The following OC90 variants were observed in gnomAD, a reference collection of about 807,000 sequenced individuals.
OC90 encodes otoconin 90.
Under a neutral mutation model 47.3 loss-of-function variants are expected in OC90, and 46 were observed. The observed-to-expected ratio is 0.97, with a 90% confidence interval of 0.77 to 1.24. OC90 has a LOEUF of 1.24. OC90 is among the 50% of genes most tolerant of loss of function. The probability of loss-of-function intolerance (pLI) is 0.00; values close to 1 mark genes in which losing one functional copy is unlikely to be tolerated. For missense variants in OC90, 688 were observed against 583.9 expected (o/e 1.18, Z -1.84); for synonymous variants, 271 against 219.5 (o/e 1.23, Z -2.07).
chr8:132,046,947 T>C (rs140254292), intron 2 of OC90, among the ~76,000 whole-genome samples: 152 of 152,284 alleles, frequency 1.0e-3, no homozygotes, highest in African/African-American at 3.5e-3. Flanking sequence ...ACATTTTGGG[T>C]TGTGAAATTT....
At position 132,043,465 on chromosome 8, in the gene OC90, T is replaced by A. The variant is rs147250646; in HGVS notation, c.169+968A>T. 4.8e-3 allele frequency among the ~76,000 whole-genome samples: 731 copies of A among 152,354 alleles called. 11 individuals are homozygous for A. Among genetic ancestry groups the A allele is most frequent in the African/African-American group, 0.017 (706 of 41,588 alleles). On this transcript the variant is annotated intron_variant, in intron 4 of 13. Transcript: ENST00000254627. ...GCAAACAAAATTGGCAAGAAAACCATATCAACAGTTTCCAACTCTAAATCT... is the reference window on the plus strand; with the variant it reads ...GCAAACAAAATTGGCAAGAAAACCAAATCAACAGTTTCCAACTCTAAATCT...
chr8:132,035,447 G>A (rs778089533), intron 9 of OC90, among the ~76,000 whole-genome samples: 5 of 152,148 alleles, frequency 3.3e-5, no homozygotes, highest in African/African-American at 7.2e-5. Flanking sequence ...GCTAGGAGGC[G>A]GCTGCAAACC....
In OC90 at chr8:132,039,565, G is replaced by A. The variant is rs542881797; in HGVS notation, c.458-442C>T. Among the ~76,000 whole-genome samples, 25 of 152,158 alleles carry A rather than the reference G, an allele frequency of 1.6e-4. 1 individual carries two copies. The highest frequency in any genetic ancestry group is 1.0e-3 in the South Asian group (5 of 4,810). ...TTTATTCTGTTCAGAACGTCCCAGC[G>A]TCTTCCCACCTCAACCTACAAGTCT... On this transcript the variant is annotated intron_variant, in intron 6 of 13. Transcript: ENST00000254627.
At position 132,054,015 on chromosome 8, in the gene OC90, T is replaced by C. The variant is rs188839579; in HGVS notation, c.46+966A>G. Among the ~76,000 whole-genome samples the C allele has an allele frequency of 3.2e-3, 490 of 152,280 alleles. 2 individuals carry two copies. Among genetic ancestry groups the C allele is most frequent in the Middle Eastern group, 0.014 (4 of 294 alleles). ...CATGGTCAACACTCACAAAGCATTG[T>C]CTTGTATCTGACTCAGATTGCTACT... On this transcript the variant is annotated intron_variant, in intron 2 of 13. Transcript: ENST00000254627.
chr8:132,058,713 C>A (rs73353126), intron 1 of OC90, among the ~76,000 whole-genome samples: 1 of 152,108 alleles, frequency 6.6e-6, no homozygotes, highest in African/African-American at 2.4e-5. Flanking sequence ...ACACCATCTC[C>A]GGCACTTGCT....
chr8:132,024,541 G>C lies in OC90; in HGVS notation c.1374C>G (p.Ala458=), dbSNP rs1182416883. Residue 458 remains alanine (A), a synonymous_variant, in exon 14 of 14, where the codon GCC becomes GCG. Transcript: ENST00000254627. ...EDPPQEDLGR[A]KRFLRKSLGP... The stretch of plus-strand genomic sequence containing the variant: ...CCAGTGACTTCCGCAGAAACCTCTT[G>C]GCTCTGCCGAGGTCCTCCTGTGGAG... The C allele has an allele frequency of 3.1e-6, 5 of 1,605,844 alleles. No homozygotes were observed. Among genetic ancestry groups the C allele is most frequent in the East Asian group, 2.2e-5 (1 of 44,706 alleles).
At chr8:132,058,825 T>C (rs1823310508) in intron 1 of OC90, among the ~76,000 whole-genome samples, 1 of 152,218 alleles carries the variant, frequency 6.6e-6, no homozygotes, top group East Asian at 1.9e-4. Context: ...TCCTCACTAA[T>C]GTGAAGTGGT....
At chr8:132,039,144 G>A (rs1227711773) in intron 6 of OC90, 21 bp from the exon 7 acceptor site, 4 of 1,582,494 alleles carry the variant, frequency 2.5e-6, no homozygotes, top group Non-Finnish European at 3.4e-6. Flanking sequence ...CAAGAGCATA[G>A]CCAATTGGAA....
chr8:132,041,470 A>G, intron 5 of OC90, 55 bp downstream of exon 5: 1 of 1,507,616 alleles, frequency 6.6e-7, no homozygotes, highest in Non-Finnish European at 9.0e-7. Flanking sequence ...GGTATCAGCC[A>G]GGCCTCCCAT....
At chr8:132,029,367 G>A (rs1357221540) in intron 12 of OC90, among the ~76,000 whole-genome samples, 188 bp from the exon 13 acceptor site, 1 of 152,112 alleles carries the variant, frequency 6.6e-6, no homozygotes, top group Non-Finnish European at 1.5e-5. Flanking sequence ...GTTGTATACT[G>A]CACAAAGGCC....
intron 13 of OC90, 120 bp from the exon 14 acceptor site, chr8:132,024,896 G>T (rs1300051006): frequency 1.7e-5 from 14 of 806,948 alleles, no homozygotes; most frequent in African/African-American, 6.9e-5. Flanking sequence ...ACACCTTCAG[G>T]GTATCCACCT....
chr8:132,050,038 C>A (rs1242828637), intron 2 of OC90, among the ~76,000 whole-genome samples: 1 of 152,172 alleles, frequency 6.6e-6, no homozygotes, highest in East Asian at 1.9e-4. Flanking sequence ...GACTTAAAAC[C>A]TTACCTCTAC....
At chr8:132,056,418 A>G (rs1823280145) in intron 1 of OC90, among the ~76,000 whole-genome samples, 1 of 152,212 alleles carries the variant, frequency 6.6e-6, no homozygotes, top group South Asian at 2.1e-4. Context: ...GGTCTAGCAC[A>G]AGCTCTGGTG....
At position 132,055,340 on chromosome 8, in the gene OC90, A is replaced by G. The variant is rs1823267284; in HGVS notation, c.-47-267T>C. On this transcript the variant is annotated intron_variant, in intron 1 of 13. Transcript: ENST00000254627. ...GACACAGCCGTGGGCTTCTGTATTT[A>G]CTGATTGATTCCATGGTCATTTCTT... is the stretch of plus-strand genomic sequence containing the variant. Among the ~76,000 whole-genome samples the G allele has an allele frequency of 3.3e-5, 5 of 152,292 alleles. No homozygotes were observed. The South Asian group carries it at 1.0e-3, about 32-fold the overall frequency.
intron 12 of OC90, 58 bp from the exon 13 acceptor site, chr8:132,029,237 T>C: frequency 1.5e-6 from 2 of 1,328,426 alleles, no homozygotes; most frequent in Non-Finnish European, 2.2e-6. Flanking sequence ...AGGAACCCCC[T>C]CAAGCACAGC....
At chr8:132,028,555 AAAGAAAGAAAGGAAGGAAGG>A (rs764148407) in intron 13 of OC90, among the ~76,000 whole-genome samples, 2,377 of 16,164 alleles carry the variant, frequency 0.15, 32 homozygotes, top group Non-Finnish European at 0.22. Context: ...AGAAAGAAAG[AAAGAAAGAAAGGAAGGAAGG>A]AAGGAAGGAA....
chr8:132,047,334 A>G (rs1048718255), intron 2 of OC90, among the ~76,000 whole-genome samples: 3 of 149,826 alleles, frequency 2.0e-5, no homozygotes, highest in African/African-American at 7.4e-5. Context: ...TTTTTTTTTT[A>G]TTAAAGGAGA....
At chr8:132,035,466 C>T (rs956225172) in intron 9 of OC90, among the ~76,000 whole-genome samples, 5 of 152,152 alleles carry the variant, frequency 3.3e-5, no homozygotes, top group African/African-American at 4.8e-5. Flanking sequence ...CCCAAGAAGC[C>T]TGGTTGAAGT....
intron 9 of OC90, chr8:132,036,499 G>GAGGATGTA: frequency 1.3e-6 from 1 of 772,234 alleles, no homozygotes; most frequent in Non-Finnish European, 2.4e-6. Flanking sequence ...TTTGGGGGCT[G>GAGGATGTA]AGGATGTAAG....
Sources: gnomAD v4.1 joint callset for allele counts (sites outside exome capture counted in the v4.1 genomes callset) on GRCh38, gnomAD v4.1.1 for gene constraint, MANE v1.5 for transcripts, NCBI Gene and HGNC (gene_info 2026-07-23, HGNC 2026-07-21) for gene names.